EYA2: variants seen among roughly 807,000 people sequenced by gnomAD.
EYA2 encodes the protein protein phosphatase EYA2.
EYA2 carries 31 observed loss-of-function variants against 69.2 expected under a neutral mutation model. That is an observed-to-expected ratio of 0.45 (90% confidence interval 0.34 to 0.60). The LOEUF is 0.60. EYA2 is among the 20% of genes least tolerant of loss of function. The pLI is 0.02. For synonymous variants in EYA2, 257 were observed against 279.4 expected (o/e 0.92, Z 0.80); for missense variants, 622 against 701.2 (o/e 0.89, Z 1.28).
intron 1 of EYA2, among the ~76,000 whole-genome samples, chr20:46,988,636 C>A (rs1233278678): frequency 6.6e-6 from 1 of 152,214 alleles, no homozygotes; most frequent in Non-Finnish European, 1.5e-5. Flanking sequence ...TGGAAAATTG[C>A]TACGCCATGT....
In EYA2 at chr20:47,139,288, G is replaced by A. The variant is rs148139251; in HGVS notation, c.889-3771G>A. Among the ~76,000 whole-genome samples, 610 of 152,244 alleles carry A rather than the reference G, an allele frequency of 4.0e-3. 5 individuals are homozygous for A. Among genetic ancestry groups the A allele is most frequent in the African/African-American group, 0.014 (583 of 41,534 alleles). On this transcript the variant is annotated intron_variant, in intron 9 of 15. Transcript: ENST00000327619. ...TAAATTGTTAATCCAAGAAATATAT[G>A]CCTATAGTTTAATATTCATAGTTCT...
chr20:47,073,208 C>A (rs2031380546), intron 6 of EYA2, among the ~76,000 whole-genome samples: 1 of 152,154 alleles, frequency 6.6e-6, no homozygotes, highest in Non-Finnish European at 1.5e-5. Context: ...GAGTTCCGTG[C>A]AGGGTTGAGA....
chr20:47,087,663 G>T (rs1572866), intron 7 of EYA2, among the ~76,000 whole-genome samples: 131,911 of 152,252 alleles, frequency 0.87, 58,990 homozygotes, highest in Non-Finnish European at 0.98. Context: ...CACTTGTTGG[G>T]GACCACTAGA....
chr20:47,180,823 G>C lies in EYA2; in HGVS notation c.1322G>C (p.Cys441Ser), dbSNP rs1204822205. 1 of 1,614,142 alleles carries C rather than the reference G, an allele frequency of 6.2e-7. No individual in the cohort carries two copies. The highest frequency in any genetic ancestry group is 2.2e-5 in the East Asian group (1 of 44,888). Reference sequence around the variant, plus strand: ...GTCTCCTTTGTCCTTAGGCCCAACTGTGTCAATGTGCTGGTCACCACCACT... The same window carrying C: ...GTCTCCTTTGTCCTTAGGCCCAACTCTGTCAATGTGCTGGTCACCACCACT... Reference protein sequence around the residue: ...ALNLINSRPNCVNVLVTTTQL... With the variant: ...ALNLINSRPNSVNVLVTTTQL... The change falls in exon 14 of 16, where the codon TGT (cysteine) becomes TCT (serine). Residue 441 changes from cysteine to serine, a missense_variant. Transcript: ENST00000327619.
At chr20:47,175,749 G>A (rs2034414528) in intron 12 of EYA2, among the ~76,000 whole-genome samples, 1 of 152,260 alleles carries the variant, frequency 6.6e-6, no homozygotes. Flanking sequence ...CAGCACGTTG[G>A]GAAGCCCTTT....
At chr20:47,097,008 G>C in intron 8 of EYA2, 77 bp from the exon 9 acceptor site, 2 of 1,038,168 alleles carry the variant, frequency 1.9e-6, no homozygotes, top group African/African-American at 1.6e-5. Flanking sequence ...TCCTCCAAGG[G>C]AATGAATTTC....
At chr20:46,982,264 A>G (rs974443272) in intron 1 of EYA2, among the ~76,000 whole-genome samples, 4 of 152,226 alleles carry the variant, frequency 2.6e-5, no homozygotes, top group African/African-American at 9.6e-5. Flanking sequence ...CCACAGTGGC[A>G]GATGAAATTC....
At chr20:47,018,984 A>G (rs1983585507) in intron 5 of EYA2, among the ~76,000 whole-genome samples, 1 of 152,198 alleles carries the variant, frequency 6.6e-6, no homozygotes. Context: ...GCCCCGTGAC[A>G]TGAGCACTGC....
intron 10 of EYA2, among the ~76,000 whole-genome samples, chr20:47,144,352 C>CA (rs11304780): frequency 0.012 from 1,351 of 116,378 alleles, 11 homozygotes; most frequent in Non-Finnish European, 0.015. Flanking sequence ...AAGACACCAT[C>CA]AAAAAAAAAA....
chr20:46,996,240 C>A (rs1033182211), intron 2 of EYA2, among the ~76,000 whole-genome samples: 2 of 152,192 alleles, frequency 1.3e-5, no homozygotes, highest in South Asian at 4.1e-4. Flanking sequence ...GCTTTAATTT[C>A]CTCTCTTAAA....
At chr20:46,970,066 T>A (rs1465553408) in intron 1 of EYA2, among the ~76,000 whole-genome samples, 1 of 152,236 alleles carries the variant, frequency 6.6e-6, no homozygotes, top group Non-Finnish European at 1.5e-5. Flanking sequence ...AGGCATAATA[T>A]TAAAACATAG....
intron 1 of EYA2, among the ~76,000 whole-genome samples, chr20:46,946,615 C>G (rs1374782872): frequency 2.0e-5 from 3 of 152,150 alleles, no homozygotes; most frequent in Admixed American, 1.3e-4. Context: ...AGGACCATGT[C>G]ATAAATATTT....
At chr20:47,088,008 C>T (rs1256902418) in intron 7 of EYA2, among the ~76,000 whole-genome samples, 17 of 152,186 alleles carry the variant, frequency 1.1e-4, no homozygotes, top group Non-Finnish European at 2.1e-4. Context: ...AGGTAGATCA[C>T]CTGAGGTCAG....
intron 1 of EYA2, among the ~76,000 whole-genome samples, chr20:46,969,973 A>T (rs191564469): frequency 5.2e-4 from 79 of 152,344 alleles, no homozygotes; most frequent in Admixed American, 8.5e-4. Flanking sequence ...AGTGTGCTAG[A>T]CCATAAAACT....
chr20:47,173,509 T>TAAAAAAAAAA lies in EYA2; in HGVS notation c.1198+656_1198+665dup, dbSNP rs767756028. Among the ~76,000 whole-genome samples, 18 of 83,652 alleles carry TAAAAAAAAAA rather than the reference T, an allele frequency of 2.2e-4. 1 individual carries two copies. The highest frequency in any genetic ancestry group is 9.6e-4 in the South Asian group (2 of 2,090). 54.9% of individuals were successfully genotyped at this position (83,652 alleles called of 152,430 possible). A position where few individuals can be genotyped will look rare whatever the true frequency, so the allele number is the denominator to read the frequency against. ...GCCTGGGCAACAAAGTGAGACCCCG[T>TAAAAAAAAAA]AAAAAAAAAAAAAAAAAAAAAAACG... On this transcript the variant is annotated intron_variant, in intron 12 of 15. Transcript: ENST00000327619.
chr20:47,161,468 C>A, intron 10 of EYA2: 1 of 448,616 alleles, frequency 2.2e-6, no homozygotes, highest in Non-Finnish European at 4.3e-6. Context: ...CTTTGATGGC[C>A]AGGAAGAAGA....
intron 5 of EYA2, among the ~76,000 whole-genome samples, chr20:47,038,918 A>G (rs1376985135): frequency 1.3e-5 from 2 of 152,128 alleles, no homozygotes; most frequent in Admixed American, 1.3e-4. Context: ...GAGAAAAACA[A>G]ACAAAAAAAC....
chr20:47,182,871 A>G (rs1315563092), intron 14 of EYA2, among the ~76,000 whole-genome samples: 1 of 152,038 alleles, frequency 6.6e-6, no homozygotes. Context: ...CAGAAAGTGG[A>G]GGTTTCAGTG....
At chr20:46,929,557 T>C (rs1985573237) in intron 1 of EYA2, among the ~76,000 whole-genome samples, 1 of 152,076 alleles carries the variant, frequency 6.6e-6, no homozygotes, top group Non-Finnish European at 1.5e-5. Context: ...GTGAGTGGAC[T>C]GTCCTCAGAA....
Sources: gnomAD v4.1 joint callset for allele counts (sites outside exome capture counted in the v4.1 genomes callset) on GRCh38, gnomAD v4.1.1 for gene constraint, MANE v1.5 for transcripts, NCBI Gene and HGNC (gene_info 2026-07-23, HGNC 2026-07-21) for gene names.